SLC24A3: variants seen among roughly 807,000 people sequenced by gnomAD.
SLC24A3 encodes sodium/potassium/calcium exchanger 3.
SLC24A3 carries 28 observed loss-of-function variants against 75.8 expected under a neutral mutation model. The observed-to-expected ratio is 0.37, with a 90% CI of 0.27 to 0.51. SLC24A3 has a LOEUF of 0.51. SLC24A3 is among the 20% of genes least tolerant of loss of function. The probability of loss-of-function intolerance (pLI) is 0.94; values close to 1 mark genes in which losing one functional copy is unlikely to be tolerated. For synonymous variants in SLC24A3, 372 were observed against 334.1 expected (o/e 1.11, Z -1.24); for missense variants, 663 against 847.8 (o/e 0.78, Z 2.71).
rs1883696 is a variant in SLC24A3, at chr20:19,447,215, A to G, written c.272-68273A>G. 0.028 allele frequency among the ~76,000 whole-genome samples: 4,264 copies of G among 152,300 alleles called. 333 individuals are homozygous for G. The East Asian group carries it at 0.33, about 12-fold the overall frequency. On this transcript the variant is annotated intron_variant, in intron 2 of 16. Coordinates refer to ENST00000328041, the MANE Select transcript of SLC24A3 (RefSeq NM_020689.4). Reference sequence around the variant, plus strand: ...ACCTAGGAGGGTGGGTGTAAAAATGAAATGAGATAATGAATCCAAATGCAA... The same window carrying G: ...ACCTAGGAGGGTGGGTGTAAAAATGGAATGAGATAATGAATCCAAATGCAA...
At position 19,351,091 on chromosome 20, in the gene SLC24A3, C is replaced by T. The variant is rs575592175; in HGVS notation, c.271+70004C>T. On this transcript the variant is annotated intron_variant, in intron 2 of 16. Coordinates refer to ENST00000328041, the MANE Select transcript of SLC24A3 (RefSeq NM_020689.4). ...GTCTTTTTGATGGTGGCCAATGGTC[C>T]AGGCCCAGGGCTGGCCTCCATAGGG... Among the ~76,000 whole-genome samples, 80 of 152,278 alleles carry T rather than the reference C, an allele frequency of 5.3e-4. 1 individual carries two copies. The highest frequency in any genetic ancestry group is 1.9e-3 in the African/African-American group (78 of 41,540).
chr20:19,305,753 CA>C lies in SLC24A3; in HGVS notation c.271+24668del, dbSNP rs1219476971. On this transcript the variant is annotated intron_variant, in intron 2 of 16. Coordinates refer to ENST00000328041, the MANE Select transcript of SLC24A3 (RefSeq NM_020689.4). ...TCTTTCACCATATACAAAAATTAAC[CA>C]AGACCTCAAACAATAAAAATCCTAG... Among the ~76,000 whole-genome samples the C allele has an allele frequency of 1.1e-4, 16 of 152,118 alleles. No individual in the cohort carries two copies. In the South Asian group the frequency reaches 3.1e-3, roughly 30 times the overall value.
chr20:19,675,857 C>G (rs1313893721), intron 9 of SLC24A3, among the ~76,000 whole-genome samples: 1 of 152,088 alleles, frequency 6.6e-6, no homozygotes, highest in Non-Finnish European at 1.5e-5. Context: ...AACTATATAG[C>G]AAATCAGTGC....
At chr20:19,346,624 A>C (rs1057459900) in intron 2 of SLC24A3, among the ~76,000 whole-genome samples, 4 of 152,112 alleles carry the variant, frequency 2.6e-5, no homozygotes, top group Admixed American at 2.6e-4. Context: ...TCTCACTCAT[A>C]TGTGGGAGCT....
intron 6 of SLC24A3, among the ~76,000 whole-genome samples, chr20:19,649,997 G>A (rs548865004): frequency 6.6e-6 from 1 of 152,272 alleles, no homozygotes; most frequent in African/African-American, 2.4e-5. Flanking sequence ...GTGGTGAATG[G>A]TGGTGTCAGA....
At chr20:19,312,306 C>T (rs987246175) in intron 2 of SLC24A3, among the ~76,000 whole-genome samples, 3 of 152,014 alleles carry the variant, frequency 2.0e-5, no homozygotes, top group South Asian at 2.1e-4. Context: ...GCGCAGGGGA[C>T]AGTGTTCCAG....
At chr20:19,418,461 GA>G (rs1414604894) in intron 2 of SLC24A3, among the ~76,000 whole-genome samples, 7 of 151,784 alleles carry the variant, frequency 4.6e-5, no homozygotes, top group Admixed American at 2.0e-4. Context: ...AAAGTAGGGG[GA>G]AAAAAATAAG....
At chr20:19,425,645 A>G (rs1394143819) in intron 2 of SLC24A3, among the ~76,000 whole-genome samples, 1 of 152,102 alleles carries the variant, frequency 6.6e-6, no homozygotes, top group Non-Finnish European at 1.5e-5. Flanking sequence ...TTAAAGATAT[A>G]TCTTACTCTT....
At chr20:19,499,916 T>TTG (rs140581465) in intron 2 of SLC24A3, among the ~76,000 whole-genome samples, 38 of 151,488 alleles carry the variant, frequency 2.5e-4, no homozygotes, top group South Asian at 6.2e-4. Flanking sequence ...GTTTGTGCAT[T>TTG]TGTGTGTGTG....
chr20:19,361,217 A>G (rs997264528), intron 2 of SLC24A3, among the ~76,000 whole-genome samples: 8 of 152,200 alleles, frequency 5.3e-5, no homozygotes, highest in Admixed American at 4.6e-4. Flanking sequence ...CTTTGCAACA[A>G]TCCATCAGCA....
intron 2 of SLC24A3, among the ~76,000 whole-genome samples, chr20:19,315,304 A>T (rs1600424849): frequency 6.6e-6 from 1 of 152,184 alleles, no homozygotes; most frequent in Non-Finnish European, 1.5e-5. Flanking sequence ...CAGTGGCCCC[A>T]GGGTAGGTTT....
intron 2 of SLC24A3, among the ~76,000 whole-genome samples, chr20:19,460,409 C>G (rs551398768): frequency 6.7e-6 from 1 of 150,328 alleles, no homozygotes; most frequent in South Asian, 2.1e-4. Context: ...CTCATGTAAA[C>G]GACCCCCACA....
At chr20:19,597,008 G>T (rs1021510610) in intron 6 of SLC24A3, among the ~76,000 whole-genome samples, 1 of 152,170 alleles carries the variant, frequency 6.6e-6, no homozygotes, top group Non-Finnish European at 1.5e-5. Context: ...TGTTCCCTGA[G>T]CTCCTGACAA....
intron 2 of SLC24A3, among the ~76,000 whole-genome samples, chr20:19,325,721 CATAT>C (rs72580544): frequency 8.4e-6 from 1 of 118,902 alleles, no homozygotes; most frequent in South Asian, 2.7e-4. Context: ...TGCAAATATG[CATAT>C]ATATATATGT....
At chr20:19,716,628 A>G (rs2033049543) in intron 15 of SLC24A3, among the ~76,000 whole-genome samples, 1 of 151,934 alleles carries the variant, frequency 6.6e-6, no homozygotes, top group African/African-American at 2.4e-5. Flanking sequence ...GGCTGCTTGT[A>G]ATGAGCACTT....
chr20:19,673,795 G>A, intron 9 of SLC24A3, 141 bp downstream of exon 9: 1 of 675,932 alleles, frequency 1.5e-6, no homozygotes, highest in East Asian at 2.7e-5. Flanking sequence ...CTGCCAGACT[G>A]TTGTGAGTCA....
chr20:19,520,605 C>T (rs1007943321), intron 3 of SLC24A3, among the ~76,000 whole-genome samples: 7 of 152,162 alleles, frequency 4.6e-5, no homozygotes, highest in Admixed American at 6.5e-5. Context: ...GCCGTCAAGC[C>T]GGGGCTCCCT....
chr20:19,684,370 A>T, intron 11 of SLC24A3, 34 bp downstream of exon 11: 1 of 1,593,826 alleles, frequency 6.3e-7, no homozygotes, highest in Non-Finnish European at 8.6e-7. Context: ...TGCCCACTGG[A>T]CAGGGGTGGG....
chr20:19,505,225 G>A (rs554690691), intron 2 of SLC24A3, among the ~76,000 whole-genome samples: 2 of 152,314 alleles, frequency 1.3e-5, no homozygotes, highest in East Asian at 3.9e-4. Flanking sequence ...TTCTCATGAT[G>A]TTGGATCAAC....
Sources: allele counts gnomAD v4.1 joint callset (sites outside exome capture counted in the v4.1 genomes callset), GRCh38; gene constraint gnomAD v4.1.1; transcripts MANE v1.5; gene names NCBI Gene and HGNC (gene_info 2026-07-23, HGNC 2026-07-21).